The following LRRC28 variants were observed in gnomAD, a reference collection of about 807,000 sequenced individuals.
LRRC28 encodes leucine rich repeat containing 28, also known as leucine-rich repeat-containing protein 28.
Under a neutral mutation model 45.7 loss-of-function variants are expected in LRRC28, and 39 were observed. The ratio of observed to expected loss-of-function variants is 0.85; its 90% confidence interval spans 0.66 to 1.12. The LOEUF (loss-of-function observed/expected upper bound fraction) is 1.12, where lower values mean the gene tolerates loss of function less well. Among genes scored for constraint, LRRC28 ranks in the 50% most tolerant of loss-of-function variants. The probability of loss-of-function intolerance (pLI) is 0.00; values close to 1 mark genes in which losing one functional copy is unlikely to be tolerated. For missense variants in LRRC28, 435 were observed against 438.5 expected (o/e 0.99, Z 0.07); for synonymous variants, 206 against 178.8 (o/e 1.15, Z -1.22).
At chr15:99,375,984 GT>G (rs750968512) in intron 9 of LRRC28, among the ~76,000 whole-genome samples, 46 of 151,510 alleles carry the variant, frequency 3.0e-4, no homozygotes, top group Non-Finnish European at 1.6e-4. Flanking sequence ...CTTTTTTTAG[GT>G]TTTTAAAAGC....
chr15:99,266,958 T>C (rs1004261142), intron 2 of LRRC28, among the ~76,000 whole-genome samples: 2 of 152,076 alleles, frequency 1.3e-5, no homozygotes, highest in Non-Finnish European at 2.9e-5. Flanking sequence ...AGTATGAGGG[T>C]AGGGGTGGAG....
rs2081119118 is a variant in LRRC28 at position 99,259,217 on chromosome 15, CAA to C, written c.168+3093_168+3094del. Reference sequence around the variant, plus strand: ...GGATGTTGAAAGAATGAAGGAAAAACAAGACAAAATCTGCCTCATGGCTGGGT... The same window carrying C: ...GGATGTTGAAAGAATGAAGGAAAAACGACAAAATCTGCCTCATGGCTGGGT... On this transcript the variant is annotated intron_variant, in intron 2 of 9. Transcript: ENST00000301981. The C allele has an allele frequency of 4.6e-6, 5 of 1,086,308 alleles. No homozygotes were observed. In the South Asian group the frequency reaches 6.2e-5, roughly 14 times the overall value. The allele number at this position is 1,086,308 out of a possible 1,614,324, so 67.3% of individuals were successfully genotyped here.
chr15:99,308,098 G>T (rs1281891431), intron 5 of LRRC28, among the ~76,000 whole-genome samples: 11 of 152,320 alleles, frequency 7.2e-5, no homozygotes, highest in Middle Eastern at 3.4e-3. Flanking sequence ...GTGAGAAGCA[G>T]TTGGATTTTA....
At chr15:99,269,491 C>T (rs1050938786) in intron 2 of LRRC28, among the ~76,000 whole-genome samples, 154 of 152,180 alleles carry the variant, frequency 1.0e-3, no homozygotes, top group African/African-American at 3.6e-3. Context: ...GCAACCTCTG[C>T]CTCTCAGGTT....
chr15:99,257,842 A>G, intron 2 of LRRC28: 1 of 777,432 alleles, frequency 1.3e-6, no homozygotes, highest in Non-Finnish European at 2.4e-6. Context: ...GAACTTAGAG[A>G]GAAGTTGGAA....
intron 5 of LRRC28, among the ~76,000 whole-genome samples, chr15:99,332,356 T>C (rs558273565): frequency 6.6e-6 from 1 of 152,342 alleles, no homozygotes; most frequent in East Asian, 1.9e-4. Context: ...ATGTATATTT[T>C]GTTCAGTATT....
intron 5 of LRRC28, among the ~76,000 whole-genome samples, chr15:99,314,327 G>A (rs1207988113): frequency 2.6e-5 from 4 of 151,946 alleles, no homozygotes; most frequent in African/African-American, 7.3e-5. Context: ...AGTCTCAGCT[G>A]TTTGGGAGGC....
chr15:99,265,194 T>C (rs2081300432), intron 2 of LRRC28, among the ~76,000 whole-genome samples: 2 of 152,208 alleles, frequency 1.3e-5, no homozygotes, highest in South Asian at 4.1e-4. Flanking sequence ...CTTGCTGTAC[T>C]CAGCTGTCTG....
At chr15:99,316,639 G>C (rs1955603187) in intron 5 of LRRC28, among the ~76,000 whole-genome samples, 1 of 148,552 alleles carries the variant, frequency 6.7e-6, no homozygotes, top group Non-Finnish European at 1.5e-5. Context: ...AGGGAAGAAA[G>C]TAGAGAATTA....
chr15:99,277,049 A>T (rs756183890), intron 3 of LRRC28, among the ~76,000 whole-genome samples: 1 of 151,992 alleles, frequency 6.6e-6, no homozygotes. Context: ...TCTTTTTATG[A>T]TTACCTTCAA....
At chr15:99,312,897 A>C (rs1955464893) in intron 5 of LRRC28, among the ~76,000 whole-genome samples, 1 of 152,244 alleles carries the variant, frequency 6.6e-6, no homozygotes, top group Non-Finnish European at 1.5e-5. Flanking sequence ...ATGAGGCGTA[A>C]TTTTAAAAAT....
At chr15:99,274,380 G>A (rs1174806868) in intron 2 of LRRC28, among the ~76,000 whole-genome samples, 1 of 152,100 alleles carries the variant, frequency 6.6e-6, no homozygotes, top group Admixed American at 6.5e-5. Context: ...TTTTTTAAAA[G>A]CTAGTCCTTA....
intron 2 of LRRC28, among the ~76,000 whole-genome samples, chr15:99,260,466 T>TG (rs2081164088): frequency 1.3e-5 from 2 of 152,238 alleles, no homozygotes; most frequent in African/African-American, 4.8e-5. Context: ...TAATGATGTA[T>TG]GTATTTTACT....
chr15:99,254,972 C>T (rs1004152723), intron 1 of LRRC28, among the ~76,000 whole-genome samples: 1 of 152,162 alleles, frequency 6.6e-6, no homozygotes, highest in Admixed American at 6.5e-5. Flanking sequence ...TTTCTGAGTG[C>T]AGTGTTTCTT....
chr15:99,270,656 C>T (rs1348343435), intron 2 of LRRC28, among the ~76,000 whole-genome samples: 1 of 152,164 alleles, frequency 6.6e-6, no homozygotes, highest in African/African-American at 2.4e-5. Flanking sequence ...GGCTATACCA[C>T]CATTTGTTTA....
In LRRC28 at chr15:99,256,125, G is replaced by T. The variant is rs894063998; in HGVS notation, c.168G>T (p.Leu56Phe). ...TGAAAAGGAACTCCCTGACATCCTTGGTACAGTATTATATTACACTACTGA... is the reference window on the plus strand; with the variant it reads ...TGAAAAGGAACTCCCTGACATCCTTTGTACAGTATTATATTACACTACTGA... ...LYMKRNSLTSLPENLAQKLPN... is the reference protein window; with the variant it reads ...LYMKRNSLTSFPENLAQKLPN... The change falls in exon 2 of 10, where the codon TTG becomes TTT. Residue 56 changes from leucine (L) to phenylalanine (F), a missense_variant and splice_region_variant. Physicochemically the swap from Leu to Phe is conservative, Grantham distance 22. Coordinates refer to ENST00000301981, the MANE Select transcript of LRRC28 (RefSeq NM_144598.5). 1 of 1,604,098 alleles carries T rather than the reference G, an allele frequency of 6.2e-7. No homozygotes were observed. Among genetic ancestry groups the T allele is most frequent in the Non-Finnish European group, 8.5e-7 (1 of 1,176,504 alleles).
intron 6 of LRRC28, among the ~76,000 whole-genome samples, chr15:99,349,865 G>T (rs944385092): frequency 6.6e-6 from 1 of 152,150 alleles, no homozygotes; most frequent in African/African-American, 2.4e-5. Context: ...GGCCGGGCGC[G>T]GTGGCTCACG....
At chr15:99,301,822 A>G (rs1398585283) in intron 5 of LRRC28, among the ~76,000 whole-genome samples, 2 of 152,170 alleles carry the variant, frequency 1.3e-5, no homozygotes, top group Non-Finnish European at 2.9e-5. Flanking sequence ...TAAATCAGAA[A>G]CATATGTAAA....
At chr15:99,324,956 A>G (rs977403508) in intron 5 of LRRC28, among the ~76,000 whole-genome samples, 1 of 152,174 alleles carries the variant, frequency 6.6e-6, no homozygotes, top group Non-Finnish European at 1.5e-5. Context: ...CAGTCTGTCA[A>G]TTTCTACCAA....
Sources: allele counts gnomAD v4.1 joint callset (sites outside exome capture counted in the v4.1 genomes callset), GRCh38; gene constraint gnomAD v4.1.1; transcripts MANE v1.5; gene names NCBI Gene and HGNC (gene_info 2026-07-23, HGNC 2026-07-21).